VPS13B: variants seen among roughly 807,000 people sequenced by gnomAD.
VPS13B encodes the protein vacuolar protein sorting 13 homolog B.
In VPS13B, 285 loss-of-function variants were observed where a neutral mutation model predicts 426.4. The observed-to-expected ratio is 0.67, with a 90% CI of 0.61 to 0.74. The LOEUF (loss-of-function observed/expected upper bound fraction) is 0.74. Ranked by LOEUF, VPS13B falls within the 30% of genes least tolerant of loss-of-function variation. The pLI, the probability that VPS13B is intolerant of heterozygous loss-of-function variation, is 0.00. For missense variants in VPS13B, 4,537 were observed against 4,782.6 expected, an observed-to-expected ratio of 0.95 and a Z score of 1.51; for synonymous variants, 1,676 against 1,676.4, an observed-to-expected ratio of 1.00 and a Z score of 0.01.
chr8:99,282,495 A>G (rs1042143887), intron 19 of VPS13B, among the ~76,000 whole-genome samples: 2 of 152,152 alleles, frequency 1.3e-5, no homozygotes, highest in African/African-American at 2.4e-5. Flanking sequence ...CATATTTTAT[A>G]TGTCTACATT....
rs541080787 is a variant in VPS13B, at chr8:99,725,381, G to A, written c.7050+4334G>A. On this transcript the variant is annotated intron_variant, in intron 39 of 61. Coordinates refer to ENST00000357162, the MANE Select transcript of VPS13B (RefSeq NM_152564.5). The stretch of plus-strand genomic sequence containing the variant: ...TGAGCTCTGCCTCCCAATCTAATGA[G>A]CAGGGGCATTACATTTTCATATGAG... Among the ~76,000 whole-genome samples the A allele has an allele frequency of 2.1e-4, 32 of 152,290 alleles. No homozygotes were observed. In the East Asian group the frequency reaches 5.6e-3, roughly 27 times the overall value.
At chr8:99,237,531 G>C (rs1395425942) in intron 17 of VPS13B, among the ~76,000 whole-genome samples, 1 of 151,826 alleles carries the variant, frequency 6.6e-6, no homozygotes, top group Non-Finnish European at 1.5e-5. Flanking sequence ...TATATTGTCA[G>C]TGAAAAAAAG....
At chr8:99,159,955 G>A (rs1811555615) in intron 15 of VPS13B, among the ~76,000 whole-genome samples, 2 of 152,064 alleles carry the variant, frequency 1.3e-5, no homozygotes, top group South Asian at 4.2e-4. Context: ...ACTGTGCCCA[G>A]CCAATAAAGT....
At chr8:99,625,409 A>G (rs1828567765) in intron 33 of VPS13B, among the ~76,000 whole-genome samples, 1 of 152,182 alleles carries the variant, frequency 6.6e-6, no homozygotes, top group Admixed American at 6.5e-5. Flanking sequence ...GGGGGATAGA[A>G]AAGCAGTGGA....
chr8:99,522,695 G>A (rs966841635), intron 30 of VPS13B, among the ~76,000 whole-genome samples: 5 of 152,092 alleles, frequency 3.3e-5, no homozygotes, highest in East Asian at 1.9e-4. Flanking sequence ...AGCAATATGT[G>A]TTAGAATGTC....
intron 34 of VPS13B, among the ~76,000 whole-genome samples, chr8:99,646,038 T>G (rs1370533186): frequency 6.6e-6 from 1 of 152,164 alleles, no homozygotes; most frequent in East Asian, 1.9e-4. Context: ...CTAGCTCCAT[T>G]TCTGCATTCT....
intron 17 of VPS13B, among the ~76,000 whole-genome samples, chr8:99,199,925 C>A (rs1814206482): frequency 6.6e-6 from 1 of 151,798 alleles, no homozygotes; most frequent in Non-Finnish European, 1.5e-5. Flanking sequence ...TATTCCTTTT[C>A]AGGTATGCAG....
chr8:99,599,234 A>C (rs1827169872), intron 33 of VPS13B, among the ~76,000 whole-genome samples: 1 of 151,932 alleles, frequency 6.6e-6, no homozygotes, highest in African/African-American at 2.4e-5. Context: ...GGTTACTATT[A>C]ATATCTGCCT....
chr8:99,285,751 A>C (rs1588208888), intron 19 of VPS13B, among the ~76,000 whole-genome samples: 3 of 152,250 alleles, frequency 2.0e-5, no homozygotes, highest in Middle Eastern at 6.8e-3. Context: ...TTGCTTTATA[A>C]AACACTTACG....
chr8:99,335,356 T>G (rs1810782551), intron 19 of VPS13B, among the ~76,000 whole-genome samples: 1 of 152,274 alleles, frequency 6.6e-6, no homozygotes, highest in African/African-American at 2.4e-5. Flanking sequence ...CTCTATTTCC[T>G]TCAGTTCTGC....
Position 99,543,414 on chromosome 8 carries a change from T to C in VPS13B, c.4746-13036T>C, listed in dbSNP as rs1334309005. ...GACATAGGCATGGGCAAGGACTTCA[T>C]GTCTAAAACACCAAAAGCAATGGCA... On this transcript the variant is annotated intron_variant, in intron 30 of 61. Transcript: ENST00000357162. Among the ~76,000 whole-genome samples the C allele has an allele frequency of 2.0e-5, 3 of 151,884 alleles. No homozygotes were observed. In the East Asian group the frequency reaches 5.8e-4, roughly 29 times the overall value.
intron 3 of VPS13B, among the ~76,000 whole-genome samples, chr8:99,078,021 T>A (rs1291638132): frequency 6.6e-6 from 1 of 152,050 alleles, no homozygotes; most frequent in African/African-American, 2.4e-5. Context: ...AGTTATGGGA[T>A]TTTGTTTGGT....
At chr8:99,535,111 A>C (rs1823130031) in intron 30 of VPS13B, among the ~76,000 whole-genome samples, 1 of 152,158 alleles carries the variant, frequency 6.6e-6, no homozygotes, top group Non-Finnish European at 1.5e-5. Context: ...ATTAAGAAGC[A>C]GACATCTATT....
chr8:99,224,013 AT>A, intron 17 of VPS13B, among the ~76,000 whole-genome samples: 1 of 152,310 alleles, frequency 6.6e-6, no homozygotes, highest in East Asian at 1.9e-4. Context: ...AGGATTTAAC[AT>A]CCTAACAAAA....
chr8:99,298,392 G>A (rs919286123), intron 19 of VPS13B, among the ~76,000 whole-genome samples: 2 of 152,126 alleles, frequency 1.3e-5, no homozygotes, highest in African/African-American at 4.8e-5. Flanking sequence ...GGAAGGCTGA[G>A]GCAGGAGAAT....
At chr8:99,545,341 A>G (rs1327836912) in intron 30 of VPS13B, among the ~76,000 whole-genome samples, 1 of 152,144 alleles carries the variant, frequency 6.6e-6, no homozygotes, top group African/African-American at 2.4e-5. Context: ...TTCTAGTAGA[A>G]TGTCCTGTGA....
intron 17 of VPS13B, among the ~76,000 whole-genome samples, chr8:99,215,783 C>A (rs79059336): frequency 1.3e-5 from 2 of 152,100 alleles, no homozygotes. Context: ...AGAAGGAAAG[C>A]GGATGTTCAG....
intron 13 of VPS13B, among the ~76,000 whole-genome samples, chr8:99,146,470 A>G (rs914288734): frequency 6.6e-6 from 1 of 152,218 alleles, no homozygotes; most frequent in East Asian, 1.9e-4. Flanking sequence ...TGGAGGGAGA[A>G]GTTATTCATT....
intron 33 of VPS13B, among the ~76,000 whole-genome samples, chr8:99,605,531 G>A (rs747735399): frequency 7.2e-5 from 11 of 151,966 alleles, no homozygotes; most frequent in Non-Finnish European, 1.5e-4. Context: ...AAGAGTTTTG[G>A]CAGTCATTAA....
Sources: allele counts gnomAD v4.1 joint callset (sites outside exome capture counted in the v4.1 genomes callset), GRCh38; gene constraint gnomAD v4.1.1; transcripts MANE v1.5; gene names NCBI Gene and HGNC (gene_info 2026-07-23, HGNC 2026-07-21).